The following ASAP1 variants were observed in gnomAD, a reference collection of about 807,000 sequenced individuals.
ASAP1 encodes ArfGAP with SH3 domain, ankyrin repeat and PH domain 1.
In ASAP1, 43 loss-of-function variants were observed where a neutral mutation model predicts 145.2. The ratio of observed to expected loss-of-function variants is 0.30; its 90% CI spans 0.23 to 0.38. The LOEUF is 0.38. Among genes scored for constraint, ASAP1 ranks in the 10% least tolerant of loss-of-function variants. The pLI is 1.00. For missense variants in ASAP1, 1,018 were observed against 1,355.3 expected, an observed-to-expected ratio of 0.75 and a Z score of 3.91; for synonymous variants, 546 against 515.5, an observed-to-expected ratio of 1.06 and a Z score of -0.80.
chr8:130,400,836 A>C (rs905181330), intron 2 of ASAP1, among the ~76,000 whole-genome samples: 1 of 151,628 alleles, frequency 6.6e-6, no homozygotes, highest in Non-Finnish European at 1.5e-5. Context: ...GGGAAAATTG[A>C]CTTACATCTA....
intron 13 of ASAP1, among the ~76,000 whole-genome samples, chr8:130,143,535 C>T (rs1184669814): frequency 6.6e-6 from 1 of 151,912 alleles, no homozygotes; most frequent in Non-Finnish European, 1.5e-5. Context: ...CACCCTCAGA[C>T]AAAAGGCAAA....
intron 18 of ASAP1, among the ~76,000 whole-genome samples, chr8:130,123,611 C>CAA (rs1407259480): frequency 6.6e-6 from 1 of 152,102 alleles, no homozygotes; most frequent in East Asian, 1.9e-4. Context: ...AACAAACAAA[C>CAA]ACTGTAAAAA....
intron 27 of ASAP1, among the ~76,000 whole-genome samples, chr8:130,068,989 C>T (rs1431852790): frequency 1.3e-5 from 2 of 152,068 alleles, no homozygotes; most frequent in Admixed American, 1.3e-4. Context: ...CTTATAGATG[C>T]TAATAAAAAT....
At chr8:130,143,411 G>GTT (rs35855151) in intron 13 of ASAP1, among the ~76,000 whole-genome samples, 2,126 of 142,060 alleles carry the variant, frequency 0.015, 17 homozygotes, top group African/African-American at 0.026. Context: ...TGAGATGTCT[G>GTT]TTTTTTTTTT....
intron 11 of ASAP1, among the ~76,000 whole-genome samples, chr8:130,162,590 G>A (rs1279320383): frequency 6.6e-6 from 1 of 151,980 alleles, no homozygotes; most frequent in Non-Finnish European, 1.5e-5. Flanking sequence ...AGGCTGAGGC[G>A]GGTGGATCAT....
intron 11 of ASAP1, among the ~76,000 whole-genome samples, chr8:130,160,214 T>C (rs1231820749): frequency 6.6e-6 from 1 of 152,138 alleles, no homozygotes; most frequent in Non-Finnish European, 1.5e-5. Context: ...CCACCTCTAC[T>C]CTGAACTGAA....
At chr8:130,376,900 T>A (rs1163916565) in intron 2 of ASAP1, among the ~76,000 whole-genome samples, 16 of 49,100 alleles carry the variant, frequency 3.3e-4, no homozygotes, top group African/African-American at 1.2e-3. Context: ...CAAAACTCCA[T>A]CTCAAAAAAA....
intron 5 of ASAP1, among the ~76,000 whole-genome samples, chr8:130,195,697 T>C (rs17282526): frequency 0.49 from 74,264 of 151,996 alleles, 18,967 homozygotes; most frequent in East Asian, 0.69. Flanking sequence ...CCGAGGTCTA[T>C]CTTTCATTAT....
intron 29 of ASAP1, 114 bp downstream of exon 29, chr8:130,057,840 G>A: frequency 7.5e-7 from 1 of 1,338,194 alleles, no homozygotes; most frequent in Non-Finnish European, 1.0e-6. Context: ...CAGCTGACAG[G>A]GTCCTTGTGC....
At chr8:130,258,812 T>C (rs1041628686) in intron 3 of ASAP1, among the ~76,000 whole-genome samples, 50 of 152,202 alleles carry the variant, frequency 3.3e-4, no homozygotes, top group African/African-American at 1.2e-3. Flanking sequence ...TTACAGTAAA[T>C]AGATAACATA....
At chr8:130,406,245 C>G (rs1829021786) in intron 1 of ASAP1, among the ~76,000 whole-genome samples, 1 of 141,248 alleles carries the variant, frequency 7.1e-6, no homozygotes, top group Non-Finnish European at 1.5e-5. Flanking sequence ...TCTTAAAGGA[C>G]TAATATTCAT....
chr8:130,154,153 T>C (rs1490720139), intron 12 of ASAP1, among the ~76,000 whole-genome samples: 5 of 152,218 alleles, frequency 3.3e-5, no homozygotes. Flanking sequence ...ATCATCATTT[T>C]TGGTAACTCA....
At chr8:130,440,107 T>G (rs1364867029) in intron 1 of ASAP1, among the ~76,000 whole-genome samples, 1 of 152,142 alleles carries the variant, frequency 6.6e-6, no homozygotes, top group East Asian at 1.9e-4. Flanking sequence ...CTCCAAGATC[T>G]AAGTAGGCTC....
intron 3 of ASAP1, among the ~76,000 whole-genome samples, chr8:130,322,416 G>A (rs765192298): frequency 1.5e-4 from 23 of 152,138 alleles, no homozygotes; most frequent in Admixed American, 7.2e-4. Flanking sequence ...AGTCCCCGCT[G>A]TCTCCTACAG....
At chr8:130,306,167 G>A (rs901024428) in intron 3 of ASAP1, among the ~76,000 whole-genome samples, 5 of 152,124 alleles carry the variant, frequency 3.3e-5, no homozygotes, top group African/African-American at 7.2e-5. Flanking sequence ...CTAACCTCAC[G>A]GGTTTCTTAG....
intron 11 of ASAP1, chr8:130,160,798 G>A (rs1586477979): frequency 3.1e-6 from 4 of 1,283,848 alleles, no homozygotes; most frequent in African/African-American, 3.0e-5. Context: ...CCTAGACTTC[G>A]ATCAGGAAGG....
Position 130,188,112 on chromosome 8 carries a change from T to C in ASAP1, c.477A>G (p.Lys159=). The change falls in exon 6 of 30, where the codon AAA becomes AAG. Residue 159 remains lysine (K), a synonymous_variant. Transcript: ENST00000518721. The stretch of plus-strand genomic sequence containing the variant: ...AATCAAATTTCTGAACACTTACTCC[T>C]TTGACTCCCTTTAGGTCTCCTTTTA... The part of the protein sequence containing the change: ...SLLKGDLKGV[K]GDLKKPFDKA... 1 of 1,610,622 alleles carries C rather than the reference T, an allele frequency of 6.2e-7. No homozygotes were observed. The highest frequency in any genetic ancestry group is 1.1e-5 in the South Asian group (1 of 90,870).
chr8:130,086,429 T>G (rs1439139123), intron 25 of ASAP1, among the ~76,000 whole-genome samples: 1 of 152,216 alleles, frequency 6.6e-6, no homozygotes, highest in Non-Finnish European at 1.5e-5. Flanking sequence ...TTATAAAATA[T>G]TACGTACGTA....
At chr8:130,393,372 A>C (rs1828376345) in intron 2 of ASAP1, among the ~76,000 whole-genome samples, 1 of 152,140 alleles carries the variant, frequency 6.6e-6, no homozygotes, top group African/African-American at 2.4e-5. Flanking sequence ...AGGTATTAAA[A>C]GTCTTGGAAT....
Sources: gnomAD v4.1 joint callset for allele counts (sites outside exome capture counted in the v4.1 genomes callset) on GRCh38, gnomAD v4.1.1 for gene constraint, MANE v1.5 for transcripts, NCBI Gene and HGNC (gene_info 2026-07-23, HGNC 2026-07-21) for gene names.